DLG2: variants seen among roughly 807,000 people sequenced by gnomAD.
The protein encoded by DLG2 is discs large MAGUK scaffold protein 2, also known as disks large homolog 2.
A neutral mutation model predicts 132.5 loss-of-function variants in DLG2; 45 were observed. That is an observed-to-expected ratio of 0.34 (90% CI 0.27 to 0.44). The LOEUF (loss-of-function observed/expected upper bound fraction) is 0.44. Ranked by LOEUF, DLG2 falls within the 20% of genes least tolerant of loss-of-function variation. The probability of loss-of-function intolerance (pLI) is 1.00; values close to 1 mark genes in which losing one functional copy is unlikely to be tolerated. For synonymous variants in DLG2, 424 were observed against 419.6 expected, an observed-to-expected ratio of 1.01 and a Z score of -0.13; for missense variants, 1,045 against 1,196.9, an observed-to-expected ratio of 0.87 and a Z score of 1.87.
At chr11:83,480,597 A>G (rs777107621) in intron 22 of DLG2, 10 of 1,555,204 alleles carry the variant, frequency 6.4e-6, no homozygotes, top group Non-Finnish European at 8.7e-6. Context: ...TCCATTTTAC[A>G]GGAACCCGCT....
intron 6 of DLG2, among the ~76,000 whole-genome samples, chr11:85,011,898 A>C (rs1046059378): frequency 6.6e-5 from 10 of 152,214 alleles, no homozygotes; most frequent in African/African-American, 2.4e-4. Context: ...TTATTCCTTC[A>C]GCAAACATTT....
intron 6 of DLG2, among the ~76,000 whole-genome samples, chr11:84,693,915 A>G (rs1404772786): frequency 6.6e-6 from 1 of 151,574 alleles, no homozygotes; most frequent in Non-Finnish European, 1.5e-5. Flanking sequence ...GACATTCCCA[A>G]ACTGGAAATT....
intron 6 of DLG2, among the ~76,000 whole-genome samples, chr11:84,903,378 A>C (rs1303057284): frequency 6.6e-6 from 1 of 152,156 alleles, no homozygotes; most frequent in Non-Finnish European, 1.5e-5. Flanking sequence ...TTAAGAGTTG[A>C]AAATTTCCCC....
chr11:84,720,735 A>G (rs1401746095), intron 6 of DLG2: 1 of 152,482 alleles, frequency 6.6e-6, no homozygotes, highest in Non-Finnish European at 1.5e-5. Context: ...GAGGGTTCAA[A>G]GGAGGTGGGG....
intron 3 of DLG2, among the ~76,000 whole-genome samples, chr11:85,317,326 A>G (rs1214060795): frequency 1.3e-5 from 2 of 151,928 alleles, no homozygotes; most frequent in Non-Finnish European, 2.9e-5. Flanking sequence ...AAAGCTACCG[A>G]GAAACTAACA....
intron 18 of DLG2, among the ~76,000 whole-genome samples, chr11:83,776,227 A>G (rs891884181): frequency 1.3e-5 from 2 of 152,234 alleles, no homozygotes; most frequent in African/African-American, 4.8e-5. Flanking sequence ...TTATGTATTC[A>G]TAGGTCCATA....
At chr11:84,591,260 C>CGT (rs2099542498) in intron 6 of DLG2, among the ~76,000 whole-genome samples, 3 of 28,288 alleles carry the variant, frequency 1.1e-4, no homozygotes, top group African/African-American at 3.7e-4. Flanking sequence ...TGTGTGTGCG[C>CGT]GTCTTTCTCC....
At chr11:83,731,647 A>G (rs759194718) in intron 18 of DLG2, among the ~76,000 whole-genome samples, 1 of 152,228 alleles carries the variant, frequency 6.6e-6, no homozygotes, top group Non-Finnish European at 1.5e-5. Context: ...CTTTGGGTAT[A>G]TACTCAGTAA....
chr11:85,383,244 T>A (rs542213409), intron 3 of DLG2, among the ~76,000 whole-genome samples: 1 of 152,272 alleles, frequency 6.6e-6, no homozygotes, highest in African/African-American at 2.4e-5. Context: ...TGTTGTATGA[T>A]TTCATTTATC....
chr11:85,508,997 G>A (rs2093997185), intron 3 of DLG2, among the ~76,000 whole-genome samples: 1 of 152,010 alleles, frequency 6.6e-6, no homozygotes, highest in African/African-American at 2.4e-5. Flanking sequence ...TATACATGCT[G>A]CAACTTTCAT....
intron 15 of DLG2, among the ~76,000 whole-genome samples, chr11:83,892,055 C>T (rs1019507580): frequency 2.0e-5 from 3 of 152,154 alleles, no homozygotes; most frequent in Admixed American, 6.5e-5. Context: ...GCCAATTGTT[C>T]AGTTCCCTCT....
intron 6 of DLG2, among the ~76,000 whole-genome samples, chr11:84,730,260 C>CA (rs1292196779): frequency 2.0e-5 from 3 of 151,664 alleles, no homozygotes; most frequent in African/African-American, 4.8e-5. Flanking sequence ...TTCTTAAGTA[C>CA]AAAAAAAGGG....
intron 10 of DLG2, among the ~76,000 whole-genome samples, chr11:84,067,249 G>C (rs561730364): frequency 6.6e-6 from 1 of 151,884 alleles, no homozygotes; most frequent in Non-Finnish European, 1.5e-5. Context: ...CAGGAGAATC[G>C]CTTGAACACT....
chr11:85,077,603 T>C (rs1030650826), intron 6 of DLG2, among the ~76,000 whole-genome samples: 3 of 151,856 alleles, frequency 2.0e-5, no homozygotes, highest in Non-Finnish European at 4.4e-5. Flanking sequence ...TGCAAATCTA[T>C]AGGTTAAAAA....
chr11:83,535,904 T>G lies in DLG2; in HGVS notation c.2118-3121A>C, dbSNP rs572730384. 9.8e-5 allele frequency among the ~76,000 whole-genome samples: 15 copies of G among 152,310 alleles called. No individual in the cohort carries two copies. In the South Asian group the frequency reaches 3.1e-3, roughly 32 times the overall value. On this transcript the variant is annotated intron_variant, in intron 20 of 27. Transcript: ENST00000376104. ...TTTTATAACTGAAGAAACTGAGACT[T>G]GAAGCTTGCCAGATCAGAAACTGGT... is the stretch of plus-strand genomic sequence containing the variant.
chr11:83,720,342 A>T (rs898885493), intron 18 of DLG2, among the ~76,000 whole-genome samples: 31 of 146,736 alleles, frequency 2.1e-4, no homozygotes, highest in Admixed American at 4.8e-4. Context: ...ACATTCACTT[A>T]AGTTATGTAA....
At chr11:83,773,745 C>T (rs553253403) in intron 18 of DLG2, among the ~76,000 whole-genome samples, 2 of 152,236 alleles carry the variant, frequency 1.3e-5, no homozygotes, top group African/African-American at 2.4e-5. Context: ...TTTTTTTGGC[C>T]CATTTGTTCA....
intron 8 of DLG2, among the ~76,000 whole-genome samples, chr11:84,212,907 C>T (rs1480770571): frequency 2.0e-5 from 3 of 152,212 alleles, no homozygotes; most frequent in Non-Finnish European, 4.4e-5. Context: ...ATCCGCCCAC[C>T]TCAGCTCCCT....
chr11:84,161,832 G>A (rs1240272238), intron 9 of DLG2, among the ~76,000 whole-genome samples: 2 of 152,118 alleles, frequency 1.3e-5, no homozygotes, highest in Non-Finnish European at 2.9e-5. Context: ...GAAACTTAAT[G>A]ATTCAGGAGA....
Sources: allele counts gnomAD v4.1 joint callset (sites outside exome capture counted in the v4.1 genomes callset), GRCh38; gene constraint gnomAD v4.1.1; transcripts MANE v1.5; gene names NCBI Gene and HGNC (gene_info 2026-07-23, HGNC 2026-07-21).